Variants in LRSAM1 observed in about 807,000 individuals in gnomAD.
LRSAM1 encodes E3 ubiquitin-protein ligase LRSAM1.
A neutral mutation model predicts 118.1 loss-of-function variants in LRSAM1; 96 were observed. The observed-to-expected ratio is 0.81, with a 90% CI of 0.69 to 0.96. LRSAM1 has a LOEUF of 0.96. Ranked by LOEUF, LRSAM1 falls within the 40% of genes least tolerant of loss-of-function variation. LRSAM1 has a pLI of 0.00. For missense variants in LRSAM1, 804 were observed against 915.5 expected, an observed-to-expected ratio of 0.88 and a Z score of 1.57; for synonymous variants, 322 against 364.2, an observed-to-expected ratio of 0.88 and a Z score of 1.32.
chr9:127,500,978 CCTGGCT>C, intron 24 of LRSAM1, 26 bp from the exon 25 acceptor site: 1 of 1,613,648 alleles, frequency 6.2e-7, no homozygotes, highest in Non-Finnish European at 8.5e-7. Flanking sequence ...CGGAGATGAC[CCTGGCT>C]CAGTCTGTCT....
intron 10 of LRSAM1, among the ~76,000 whole-genome samples, chr9:127,472,802 A>G (rs771242310): frequency 3.9e-5 from 6 of 152,198 alleles, no homozygotes; most frequent in Non-Finnish European, 7.3e-5. Flanking sequence ...AACTGGTCAC[A>G]GGATTTCATG....
rs147888501 is a variant in LRSAM1, at chr9:127,459,684, G to C, written c.321+613G>C. 3.7e-3 allele frequency among the ~76,000 whole-genome samples: 559 copies of C among 151,136 alleles called. 1 individual carries two copies. The highest frequency in any genetic ancestry group is 0.013 in the African/African-American group (530 of 41,154). On this transcript the variant is annotated intron_variant, in intron 7 of 25. Coordinates refer to ENST00000300417, the MANE Select transcript of LRSAM1 (RefSeq NM_001005373.4). Reference sequence around the variant, plus strand: ...AGAGATTCTCATGCCTCAGCCTCCTGAGTATCTGGGATTACAGGCACACGC... The same window carrying C: ...AGAGATTCTCATGCCTCAGCCTCCTCAGTATCTGGGATTACAGGCACACGC...
intron 4 of LRSAM1, 117 bp downstream of exon 4, chr9:127,455,171 C>A: frequency 9.8e-7 from 1 of 1,016,436 alleles, no homozygotes; most frequent in Non-Finnish European, 1.6e-6. Context: ...GCTCTAGTCA[C>A]GAGATGTTTC....
At chr9:127,502,705 A>T in intron 25 of LRSAM1, 69 bp from the exon 26 acceptor site, 2 of 1,470,680 alleles carry the variant, frequency 1.4e-6, no homozygotes, top group Non-Finnish European at 1.8e-6. Context: ...AAAAAAAAAA[A>T]AAAAAGACGG....
chr9:127,466,399 A>G (rs189270036), intron 9 of LRSAM1, among the ~76,000 whole-genome samples: 246 of 147,922 alleles, frequency 1.7e-3, no homozygotes, highest in African/African-American at 5.9e-3. Context: ...ATATCCCTCC[A>G]ATTTTTTTCT....
chr9:127,500,375 A>AAAAAG (rs1491305225), intron 24 of LRSAM1, among the ~76,000 whole-genome samples: 3 of 149,440 alleles, frequency 2.0e-5, no homozygotes, highest in Non-Finnish European at 3.0e-5. Flanking sequence ...AAAAAAAAAA[A>AAAAAG]GAGACTTAGC....
intron 9 of LRSAM1, among the ~76,000 whole-genome samples, chr9:127,466,500 A>AT (rs1564258785): frequency 2.0e-4 from 4 of 20,328 alleles, no homozygotes; most frequent in South Asian, 1.7e-3. Flanking sequence ...ATATATATAT[A>AT]TATATTTTTT....
chr9:127,481,168 T>A lies in LRSAM1; in HGVS notation c.1044-15T>A. 1 of 1,613,922 alleles carries A rather than the reference T, an allele frequency of 6.2e-7. No individual in the cohort carries two copies. Among genetic ancestry groups the A allele is most frequent in the Non-Finnish European group, 8.5e-7 (1 of 1,179,990 alleles). On this transcript the variant is annotated splice_polypyrimidine_tract_variant and intron_variant, in intron 14 of 25. Coordinates refer to ENST00000300417, the MANE Select transcript of LRSAM1 (RefSeq NM_001005373.4). ...TGCTGGTGACTGCCAGGACCTTTTATGATTTTCTCCACAGACAAAAGAAAA... is the reference window on the plus strand; with the variant it reads ...TGCTGGTGACTGCCAGGACCTTTTAAGATTTTCTCCACAGACAAAAGAAAA...
intron 13 of LRSAM1, 50 bp from the exon 14 acceptor site, chr9:127,479,789 C>T (rs374662909): frequency 1.8e-5 from 28 of 1,597,480 alleles, no homozygotes; most frequent in South Asian, 2.2e-5. Flanking sequence ...GTACCCCTCA[C>T]GGCGTCTGAG....
intron 16 of LRSAM1, among the ~76,000 whole-genome samples, chr9:127,484,791 T>C (rs890122477): frequency 7.0e-6 from 1 of 143,406 alleles, no homozygotes; most frequent in African/African-American, 2.5e-5. Flanking sequence ...TATTTTAATT[T>C]TTTGATTTTT....
intron 10 of LRSAM1, 50 bp downstream of exon 10, chr9:127,467,880 A>G (rs1418358405): frequency 6.6e-7 from 1 of 1,518,824 alleles, no homozygotes; most frequent in Non-Finnish European, 8.9e-7. Flanking sequence ...TATGACCCCC[A>G]TGGCCACCCT....
chr9:127,470,693 A>AGC (rs1835134657), intron 10 of LRSAM1, among the ~76,000 whole-genome samples: 1 of 152,128 alleles, frequency 6.6e-6, no homozygotes. Context: ...GGAAAGAATG[A>AGC]GCCACTGCTC....
intron 11 of LRSAM1, among the ~76,000 whole-genome samples, chr9:127,477,756 A>C (rs902541056): frequency 1.9e-4 from 28 of 150,420 alleles, no homozygotes; most frequent in African/African-American, 6.6e-4. Flanking sequence ...ACAAAGAAAA[A>C]ACTTGTGTGG....
rs561952126 is a variant in LRSAM1, at chr9:127,475,786, G to A, written c.750+1855G>A. ...GATGGAGTCTCACTCTGTTGCCCAG[G>A]CTGGAGTGCAGTGGTGCAATCTTGG... is the stretch of plus-strand genomic sequence containing the variant. On this transcript the variant is annotated intron_variant, in intron 11 of 25. Coordinates refer to ENST00000300417, the MANE Select transcript of LRSAM1 (RefSeq NM_001005373.4). Among the ~76,000 whole-genome samples the A allele has an allele frequency of 8.6e-5, 13 of 152,018 alleles. No homozygotes were observed. The East Asian group carries it at 2.5e-3, about 30-fold the overall frequency.
intron 24 of LRSAM1, among the ~76,000 whole-genome samples, chr9:127,497,968 C>T (rs939639791): frequency 1.3e-5 from 2 of 152,236 alleles, no homozygotes; most frequent in African/African-American, 4.8e-5. Flanking sequence ...AGCATGTCCC[C>T]CATCAGGTCC....
At chr9:127,463,138 GCA>G (rs1351247344) in intron 9 of LRSAM1, among the ~76,000 whole-genome samples, 1 of 149,512 alleles carries the variant, frequency 6.7e-6, no homozygotes, top group Non-Finnish European at 1.5e-5. Context: ...GGCGGAGATT[GCA>G]GTGAGCCGAG....
intron 9 of LRSAM1, among the ~76,000 whole-genome samples, chr9:127,466,478 A>ATATATATATATG (rs1834928303): frequency 4.1e-5 from 1 of 24,126 alleles, no homozygotes. Flanking sequence ...GAAGAATCAT[A>ATATATATATATG]TATATATATA....
chr9:127,495,497 G>T, intron 22 of LRSAM1, 79 bp downstream of exon 22: 1 of 1,176,824 alleles, frequency 8.5e-7, no homozygotes, highest in Non-Finnish European at 1.3e-6. Context: ...CCTCCACCAT[G>T]CTCTGCCTCT....
intron 21 of LRSAM1, among the ~76,000 whole-genome samples, chr9:127,494,236 G>A (rs192554248): frequency 3.3e-5 from 5 of 152,372 alleles, no homozygotes; most frequent in East Asian, 1.9e-4. Flanking sequence ...AGCAGTGGGC[G>A]TGGCCAGGTC....
Sources: allele counts gnomAD v4.1 joint callset (sites outside exome capture counted in the v4.1 genomes callset), GRCh38; gene constraint gnomAD v4.1.1; transcripts MANE v1.5; gene names NCBI Gene and HGNC (gene_info 2026-07-23, HGNC 2026-07-21).